VWA8: variants seen among roughly 807,000 people sequenced by gnomAD.
VWA8 encodes von Willebrand factor A domain-containing protein 8.
In VWA8, 221 loss-of-function variants were observed where a neutral mutation model predicts 241.5. The observed-to-expected ratio is 0.91, with a 90% CI of 0.82 to 1.02. The LOEUF is 1.02. Among genes scored for constraint, VWA8 ranks in the 50% least tolerant of loss-of-function variants. VWA8 has a pLI of 0.00. For missense variants in VWA8, 2,322 were observed against 2,328.7 expected (o/e 1.00, Z 0.06); for synonymous variants, 852 against 827.1 (o/e 1.03, Z -0.52).
chr13:41,634,253 C>T (rs967251974), intron 37 of VWA8, among the ~76,000 whole-genome samples: 3 of 152,238 alleles, frequency 2.0e-5, no homozygotes, highest in Admixed American at 1.3e-4. Flanking sequence ...AGAGCCTGTA[C>T]TATCCTCTAT....
chr13:41,696,077 A>G (rs150870744), intron 29 of VWA8: 5 of 152,308 alleles, frequency 3.3e-5, no homozygotes, highest in Non-Finnish European at 7.4e-5. Flanking sequence ...ACCTTTTATG[A>G]CACATTGTTT....
chr13:41,601,711 A>G (rs1047337210), intron 40 of VWA8, among the ~76,000 whole-genome samples: 1 of 152,154 alleles, frequency 6.6e-6, no homozygotes, highest in Non-Finnish European at 1.5e-5. Flanking sequence ...AAGGTTCAAT[A>G]ACTCAAAGAA....
chr13:41,750,828 T>G (rs904063860), intron 21 of VWA8, among the ~76,000 whole-genome samples: 7 of 151,890 alleles, frequency 4.6e-5, no homozygotes, highest in Non-Finnish European at 8.8e-5. Context: ...GGTGAAAATC[T>G]TATGAACACT....
At chr13:41,623,629 CTTGA>C (rs1053633778) in intron 37 of VWA8, among the ~76,000 whole-genome samples, 7 of 152,286 alleles carry the variant, frequency 4.6e-5, no homozygotes, top group Non-Finnish European at 7.4e-5. Flanking sequence ...CCACTATCTT[CTTGA>C]TTGATTAACA....
At chr13:41,630,133 C>T (rs913726821) in intron 37 of VWA8, among the ~76,000 whole-genome samples, 2 of 152,096 alleles carry the variant, frequency 1.3e-5, no homozygotes, top group Non-Finnish European at 2.9e-5. Flanking sequence ...GCATATGAGG[C>T]CTATTCCCTG....
chr13:41,867,516 C>G (rs1021103458), intron 10 of VWA8, among the ~76,000 whole-genome samples: 1 of 152,148 alleles, frequency 6.6e-6, no homozygotes, highest in African/African-American at 2.4e-5. Flanking sequence ...GTTTTCTAAT[C>G]TACAAAATGG....
At chr13:41,708,132 C>A (rs983701845) in intron 26 of VWA8, among the ~76,000 whole-genome samples, 3 of 151,848 alleles carry the variant, frequency 2.0e-5, no homozygotes, top group Admixed American at 1.3e-4. Flanking sequence ...CCGAGGCGGG[C>A]GGATCACCTG....
intron 12 of VWA8, among the ~76,000 whole-genome samples, chr13:41,839,879 T>A (rs1278418625): frequency 6.6e-6 from 1 of 152,208 alleles, no homozygotes; most frequent in Non-Finnish European, 1.5e-5. Flanking sequence ...CACATGAAAT[T>A]TAAAGTAGTT....
chr13:41,691,708 T>C (rs1308312787), intron 31 of VWA8, among the ~76,000 whole-genome samples, 166 bp downstream of exon 31: 1 of 152,154 alleles, frequency 6.6e-6, no homozygotes, highest in Admixed American at 6.6e-5. Flanking sequence ...CACTAGCTTT[T>C]CTTATATCTG....
intron 2 of VWA8, among the ~76,000 whole-genome samples, chr13:41,930,322 A>G (rs1011975581): frequency 3.9e-5 from 6 of 152,258 alleles, no homozygotes; most frequent in Non-Finnish European, 5.9e-5. Context: ...CCATTTCTAA[A>G]GAAATTAAAA....
chr13:41,908,911 G>A (rs1159694347), intron 3 of VWA8, among the ~76,000 whole-genome samples: 1 of 152,170 alleles, frequency 6.6e-6, no homozygotes, highest in Non-Finnish European at 1.5e-5. Context: ...ATGGCAAAAA[G>A]GGATACTGCC....
chr13:41,867,891 G>GAT (rs1035205845), intron 10 of VWA8, among the ~76,000 whole-genome samples: 12 of 151,738 alleles, frequency 7.9e-5, no homozygotes, highest in Middle Eastern at 3.4e-3. Context: ...AGAAGGAGCT[G>GAT]ATATATATAT....
chr13:41,942,601 T>A (rs568473545), intron 2 of VWA8, among the ~76,000 whole-genome samples: 11 of 152,198 alleles, frequency 7.2e-5, no homozygotes, highest in African/African-American at 2.4e-4. Flanking sequence ...AAAACCTGCA[T>A]CCACCCACCT....
intron 12 of VWA8, among the ~76,000 whole-genome samples, chr13:41,837,894 C>T (rs888806763): frequency 6.6e-6 from 1 of 152,164 alleles, no homozygotes; most frequent in African/African-American, 2.4e-5. Context: ...TCCACTTCCT[C>T]TTTCTGCATT....
chr13:41,939,990 T>C (rs1377009984), intron 2 of VWA8, among the ~76,000 whole-genome samples: 1 of 152,192 alleles, frequency 6.6e-6, no homozygotes, highest in African/African-American at 2.4e-5. Context: ...TCCAAAAGAA[T>C]TTTCTAACAC....
At chr13:41,700,584 C>T (rs544398372) in intron 28 of VWA8, among the ~76,000 whole-genome samples, 12 of 152,282 alleles carry the variant, frequency 7.9e-5, no homozygotes, top group African/African-American at 2.9e-4. Context: ...ACTTAATAAA[C>T]TCTTTAACTG....
intron 2 of VWA8, chr13:41,926,376 G>T: frequency 1.8e-6 from 1 of 554,630 alleles, no homozygotes; most frequent in Non-Finnish European, 3.5e-6. Context: ...GGATGAACTG[G>T]GATTCCTAAA....
chr13:41,867,594 C>T (rs1873372012), intron 10 of VWA8, among the ~76,000 whole-genome samples: 1 of 152,132 alleles, frequency 6.6e-6, no homozygotes, highest in African/African-American at 2.4e-5. Context: ...GAGACAAATA[C>T]AGTAAATAGT....
rs867272374 is a variant in VWA8 at position 41,871,575 on chromosome 13, A to C, written c.1081-3098T>G. On this transcript the variant is annotated intron_variant, in intron 9 of 44. Transcript: ENST00000379310. ...GCGGTGTTTGGTTTTTTGTTCTTGC[A>C]ATAGTTTACTGAGAATGATGATTTC... 3.9e-5 allele frequency among the ~76,000 whole-genome samples: 6 copies of C among 151,952 alleles called. No homozygotes were observed. The East Asian group carries it at 1.2e-3, about 29-fold the overall frequency.
Sources: gnomAD v4.1 joint callset for allele counts (sites outside exome capture counted in the v4.1 genomes callset) on GRCh38, gnomAD v4.1.1 for gene constraint, MANE v1.5 for transcripts, NCBI Gene and HGNC (gene_info 2026-07-23, HGNC 2026-07-21) for gene names.